The following OVCH1 variants were observed in gnomAD, a reference collection of about 807,000 sequenced individuals.
OVCH1 encodes the protein ovochymase-1.
Under a neutral mutation model 138.4 loss-of-function variants are expected in OVCH1, and 139 were observed. The observed-to-expected ratio is 1.00, with a 90% CI of 0.87 to 1.16. The LOEUF (loss-of-function observed/expected upper bound fraction) is 1.16, where lower values mean the gene tolerates loss of function less well. Ranked by LOEUF, OVCH1 falls within the 50% of genes most tolerant of loss-of-function variation. OVCH1 has a pLI of 0.00. For synonymous variants in OVCH1, 453 were observed against 467.8 expected, an observed-to-expected ratio of 0.97 and a Z score of 0.41; for missense variants, 1,367 against 1,357.9, an observed-to-expected ratio of 1.01 and a Z score of -0.11.
intron 10 of OVCH1, 35 bp from the exon 11 acceptor site, chr12:29,477,513 C>G: frequency 1.2e-6 from 2 of 1,613,874 alleles, no homozygotes; most frequent in East Asian, 4.5e-5. Context: ...AATAACATTA[C>G]TAAAAAGTGG....
chr12:29,495,592 T>C, intron 3 of OVCH1, 135 bp from the exon 4 acceptor site: 1 of 776,236 alleles, frequency 1.3e-6, no homozygotes, highest in Non-Finnish European at 2.0e-6. Context: ...TTCCTTATTA[T>C]TGAGTATTAC....
At chr12:29,424,884 A>G (rs1941157722), downstream of OVCH1, among the ~76,000 whole-genome samples, 1 of 152,244 alleles carries the variant, frequency 6.6e-6, no homozygotes, top group East Asian at 1.9e-4. Flanking sequence ...AATAAACCTC[A>G]GCAAAATTTT....
intron 3 of OVCH1, among the ~76,000 whole-genome samples, chr12:29,421,062 G>T (rs565736235): frequency 3.7e-4 from 57 of 152,334 alleles, no homozygotes; most frequent in African/African-American, 1.2e-3. Flanking sequence ...ATGCACTGCT[G>T]CCAGGACCCA....
At chr12:29,402,458 AAG>A in the OVCH1 span, among the ~76,000 whole-genome samples, 3 of 152,258 alleles carry the variant, frequency 2.0e-5, no homozygotes, top group South Asian at 4.1e-4. Flanking sequence ...TTGAGAGAAA[AAG>A]AGAGGAGTTG....
chr12:29,434,942 G>A (rs184493019), intron 26 of OVCH1, among the ~76,000 whole-genome samples: 29 of 152,226 alleles, frequency 1.9e-4, no homozygotes, highest in African/African-American at 6.3e-4. Flanking sequence ...TTATGATGTC[G>A]GAATAACTTA....
At chr12:29,476,755 G>GCA (rs548409739) in intron 12 of OVCH1, among the ~76,000 whole-genome samples, 1 of 103,338 alleles carries the variant, frequency 9.7e-6, no homozygotes, top group African/African-American at 3.8e-5. Flanking sequence ...ACACACGCGC[G>GCA]CACACACACA....
chr12:29,489,820 A>T (rs1565613511), intron 5 of OVCH1, 49 bp from the exon 6 acceptor site: 1 of 1,551,940 alleles, frequency 6.4e-7, no homozygotes, highest in Non-Finnish European at 8.8e-7. Context: ...TCATGGAAAC[A>T]AATTAATGGG....
rs1393449273 is a variant in OVCH1, at chr12:29,438,735, C to G, written c.3264+593G>C. 2.0e-5 allele frequency among the ~76,000 whole-genome samples: 3 copies of G among 152,104 alleles called. No homozygotes were observed. The East Asian group carries it at 5.8e-4, about 29-fold the overall frequency. ...TGAAGTAATTTTTCCATTATATCTT[C>G]TACATTTTACTGCTATGGTTTTAAG... On this transcript the variant is annotated intron_variant, in intron 26 of 27. Transcript: ENST00000318184.
At chr12:29,482,419 A>AC (rs986350157) in intron 8 of OVCH1, among the ~76,000 whole-genome samples, 1 of 149,088 alleles carries the variant, frequency 6.7e-6, no homozygotes, top group Non-Finnish European at 1.5e-5. Context: ...TTCATTCTCC[A>AC]CCCCCCTTTC....
chr12:29,435,702 C>CCCTAAGATTTCCTT (rs1185849743), intron 26 of OVCH1, among the ~76,000 whole-genome samples: 43 of 152,218 alleles, frequency 2.8e-4, no homozygotes, highest in Admixed American at 1.0e-3. Context: ...CCTTCAACCT[C>CCCTAAGATTTCCTT]CCACTACCCT....
chr12:29,434,841 A>G (rs556521167), intron 26 of OVCH1, among the ~76,000 whole-genome samples: 1 of 152,372 alleles, frequency 6.6e-6, no homozygotes, highest in Non-Finnish European at 1.5e-5. Context: ...ATAAAAGCCA[A>G]TTAGAATAGA....
chr12:29,471,869 C>G (rs768253853), exon 16 of OVCH1: 1 of 1,613,070 alleles, frequency 6.2e-7, no homozygotes, highest in Non-Finnish European at 8.5e-7. Context: ...CATTGGTAAT[C>G]GCCTAGAAAC....
chr12:29,487,103 G>A, intron 7 of OVCH1: 1 of 274,464 alleles, frequency 3.6e-6, no homozygotes, highest in South Asian at 3.4e-5. Flanking sequence ...AGAGCACTAT[G>A]TTCTGGGGCT....
At chr12:29,411,094 G>C (rs1393571544), downstream of OVCH1, among the ~76,000 whole-genome samples, 2 of 112,990 alleles carry the variant, frequency 1.8e-5, no homozygotes, top group African/African-American at 2.7e-5. Flanking sequence ...CCAGTTGATC[G>C]CATCAGCTCC....
intron 3 of OVCH1, among the ~76,000 whole-genome samples, chr12:29,415,013 A>T (rs1264551925): frequency 6.6e-6 from 1 of 152,002 alleles, no homozygotes; most frequent in East Asian, 1.9e-4. Context: ...AAATATTCAC[A>T]TAAAGGTAAT....
chr12:29,456,937 T>C (rs1941968305), intron 19 of OVCH1, among the ~76,000 whole-genome samples: 1 of 152,194 alleles, frequency 6.6e-6, no homozygotes, highest in Non-Finnish European at 1.5e-5. Context: ...TGAACACAAA[T>C]GTATTTAGGA....
downstream of OVCH1, among the ~76,000 whole-genome samples, chr12:29,422,790 G>A (rs137992661): frequency 2.0e-5 from 3 of 152,238 alleles, no homozygotes; most frequent in African/African-American, 7.2e-5. Context: ...GTAGCTACTT[G>A]GTAGAAGAGA....
the OVCH1 span, among the ~76,000 whole-genome samples, chr12:29,405,425 G>A: frequency 6.6e-6 from 1 of 152,104 alleles, no homozygotes; most frequent in African/African-American, 2.4e-5. Context: ...TTGCCAAGAG[G>A]TACCTTTGCC....
In OVCH1 at chr12:29,473,112, G is replaced by GA. The variant is rs577076897; in HGVS notation, c.1601-10dup. ...AAATTTGTTTAAAGACTCTGTAGAAGAAAAAAAAATTAATTGAAAGTAATT... is the reference window on the plus strand; with the variant it reads ...AAATTTGTTTAAAGACTCTGTAGAAGAAAAAAAAAATTAATTGAAAGTAATT... On this transcript the variant is annotated splice_polypyrimidine_tract_variant and intron_variant, in intron 14 of 27. Transcript: ENST00000318184. 2.0e-4 allele frequency: 316 copies of GA among 1,558,290 alleles called. No homozygotes were observed. The highest frequency in any genetic ancestry group is 8.3e-4 in the Admixed American group (47 of 56,506).
Sources: allele counts gnomAD v4.1 joint callset (sites outside exome capture counted in the v4.1 genomes callset), GRCh38; gene constraint gnomAD v4.1.1; transcripts MANE v1.5; gene names NCBI Gene and HGNC (gene_info 2026-07-23, HGNC 2026-07-21).